The following SPAG16 variants were observed in gnomAD, a reference collection of about 807,000 sequenced individuals.
SPAG16 encodes sperm associated antigen 16.
A neutral mutation model predicts 80.4 loss-of-function variants in SPAG16; 86 were observed. The ratio of observed to expected loss-of-function variants is 1.07; its 90% CI spans 0.90 to 1.28. SPAG16 has a LOEUF of 1.28. Ranked by LOEUF, SPAG16 falls within the 50% of genes most tolerant of loss-of-function variation. The probability of loss-of-function intolerance (pLI) is 0.00; values close to 1 mark genes in which losing one functional copy is unlikely to be tolerated. For synonymous variants in SPAG16, 294 were observed against 265.9 expected (o/e 1.11, Z -1.03); for missense variants, 870 against 765.3 (o/e 1.14, Z -1.61).
Position 213,361,378 on chromosome 2 carries a change from G to GTA in SPAG16, c.763-2684_763-2683dup, listed in dbSNP as rs1553637401. Among the ~76,000 whole-genome samples, 296 of 147,068 alleles carry GTA rather than the reference G, an allele frequency of 2.0e-3. 1 individual carries two copies. Among genetic ancestry groups the GTA allele is most frequent in the Middle Eastern group, 0.014 (4 of 284 alleles). ...AATATGTATGTATGTGTGTGTGTGT[G>GTA]TATATATATATATATGTATACTAAA... is the stretch of plus-strand genomic sequence containing the variant. On this transcript the variant is annotated intron_variant, in intron 7 of 15. Transcript: ENST00000331683.
chr2:214,228,678 A>G (rs1688467834), intron 15 of SPAG16, among the ~76,000 whole-genome samples: 1 of 151,890 alleles, frequency 6.6e-6, no homozygotes, highest in Non-Finnish European at 1.5e-5. Flanking sequence ...AGCCATCAGT[A>G]TTTTGACCTC....
At chr2:214,144,384 C>A (rs537023046) in intron 14 of SPAG16, among the ~76,000 whole-genome samples, 14 of 152,002 alleles carry the variant, frequency 9.2e-5, no homozygotes, top group Middle Eastern at 3.4e-3. Context: ...TTTAATGTAA[C>A]CACAGTTTGG....
At chr2:214,231,478 T>C (rs1276328237) in intron 15 of SPAG16, among the ~76,000 whole-genome samples, 1 of 152,014 alleles carries the variant, frequency 6.6e-6, no homozygotes, top group East Asian at 1.9e-4. Context: ...ATAATACTTA[T>C]AAGTTTATAA....
intron 15 of SPAG16, among the ~76,000 whole-genome samples, chr2:214,213,090 T>C (rs2058338520): frequency 1.3e-5 from 2 of 152,256 alleles, no homozygotes; most frequent in Admixed American, 6.5e-5. Context: ...TTATCCTTCT[T>C]GTCCTTTCCC....
At chr2:214,030,279 C>A (rs115362954) in intron 13 of SPAG16, among the ~76,000 whole-genome samples, 4 of 152,250 alleles carry the variant, frequency 2.6e-5, no homozygotes, top group Non-Finnish European at 4.4e-5. Flanking sequence ...CTTCCAGGTT[C>A]ACCCATGTTG....
intron 9 of SPAG16, among the ~76,000 whole-genome samples, chr2:213,403,424 A>T (rs1489988934): frequency 6.6e-6 from 1 of 152,106 alleles, no homozygotes; most frequent in Non-Finnish European, 1.5e-5. Flanking sequence ...AGAAAATGTT[A>T]TCCAGCATAT....
chr2:213,913,121 A>G (rs968010043), intron 11 of SPAG16, among the ~76,000 whole-genome samples: 3 of 152,060 alleles, frequency 2.0e-5, no homozygotes, highest in African/African-American at 7.2e-5. Flanking sequence ...TACTTCATTA[A>G]GATATGTCAG....
intron 1 of SPAG16, among the ~76,000 whole-genome samples, chr2:213,292,322 G>C (rs193301193): frequency 1.9e-4 from 29 of 152,296 alleles, no homozygotes; most frequent in African/African-American, 6.7e-4. Flanking sequence ...TCATAGAAAA[G>C]AGGCTGACTT....
intron 13 of SPAG16, among the ~76,000 whole-genome samples, chr2:214,096,274 T>A (rs980033827): frequency 4.2e-4 from 57 of 134,714 alleles, no homozygotes; most frequent in Admixed American, 1.1e-3. Flanking sequence ...TTGGTTTTTT[T>A]AATGCAAAAA....
At chr2:213,910,979 C>T (rs2077637969) in intron 11 of SPAG16, among the ~76,000 whole-genome samples, 2 of 152,296 alleles carry the variant, frequency 1.3e-5, no homozygotes. Context: ...CTTGCTTCTA[C>T]ACTTTCCACT....
At chr2:214,156,755 C>G (rs922667162) in intron 15 of SPAG16, among the ~76,000 whole-genome samples, 2 of 152,136 alleles carry the variant, frequency 1.3e-5, no homozygotes, top group African/African-American at 4.8e-5. Flanking sequence ...AGTCCTGCCC[C>G]TGTACTCTAA....
intron 1 of SPAG16, 54 bp from the exon 2 acceptor site, chr2:213,296,010 G>T (rs758095624): frequency 4.1e-6 from 6 of 1,471,502 alleles, no homozygotes; most frequent in South Asian, 2.3e-5. Flanking sequence ...ATCAATTTTT[G>T]TGCAATAATT....
chr2:214,335,993 G>A (rs6755201), intron 15 of SPAG16, among the ~76,000 whole-genome samples: 102,441 of 151,800 alleles, frequency 0.67, 39,260 homozygotes, highest in South Asian at 0.86. Context: ...TCTTGACCTC[G>A]TGATCCACCC....
chr2:214,185,220 C>T (rs1397779400), intron 15 of SPAG16, among the ~76,000 whole-genome samples: 2 of 152,002 alleles, frequency 1.3e-5, no homozygotes, highest in Admixed American at 6.6e-5. Flanking sequence ...AGAAAATAAC[C>T]TTTCTGAGCT....
chr2:213,540,479 G>T (rs984243048), intron 10 of SPAG16, among the ~76,000 whole-genome samples: 1 of 152,050 alleles, frequency 6.6e-6, no homozygotes, highest in African/African-American at 2.4e-5. Flanking sequence ...TTTCATAAAT[G>T]TAAATACCTT....
At chr2:213,648,758 TCC>T (rs2062918040) in intron 10 of SPAG16, among the ~76,000 whole-genome samples, 1 of 152,138 alleles carries the variant, frequency 6.6e-6, no homozygotes, top group Admixed American at 6.5e-5. Context: ...GAATATCATA[TCC>T]TCCTCCATCA....
At chr2:214,070,906 A>C (rs2050758265) in intron 13 of SPAG16, among the ~76,000 whole-genome samples, 1 of 152,120 alleles carries the variant, frequency 6.6e-6, no homozygotes, top group Non-Finnish European at 1.5e-5. Flanking sequence ...TTAATTCATA[A>C]TATAAATTGG....
intron 10 of SPAG16, among the ~76,000 whole-genome samples, chr2:213,727,169 T>A (rs1475658443): frequency 6.6e-6 from 1 of 152,212 alleles, no homozygotes; most frequent in Admixed American, 6.5e-5. Flanking sequence ...TTTCATATCA[T>A]ACAGGAATAT....
intron 12 of SPAG16, among the ~76,000 whole-genome samples, chr2:213,946,104 C>T (rs1429696560): frequency 4.6e-5 from 7 of 151,994 alleles, no homozygotes; most frequent in Non-Finnish European, 7.4e-5. Flanking sequence ...AATTTTTATA[C>T]GTAGATTGTT....
Sources: allele counts gnomAD v4.1 joint callset (sites outside exome capture counted in the v4.1 genomes callset), GRCh38; gene constraint gnomAD v4.1.1; transcripts MANE v1.5; gene names NCBI Gene and HGNC (gene_info 2026-07-23, HGNC 2026-07-21).